The following MIIP variants were observed in gnomAD, a reference collection of about 807,000 sequenced individuals.
MIIP encodes the protein migration and invasion-inhibitory protein.
Under a neutral mutation model 44.8 loss-of-function variants are expected in MIIP, and 44 were observed. The ratio of observed to expected loss-of-function variants is 0.98; its 90% confidence interval spans 0.77 to 1.26. The LOEUF is 1.26. Ranked by LOEUF, MIIP falls within the 50% of genes most tolerant of loss-of-function variation. MIIP has a pLI of 0.00. For synonymous variants in MIIP, 225 were observed against 218.3 expected (o/e 1.03, Z -0.27); for missense variants, 496 against 511.7 (o/e 0.97, Z 0.30).
chr1:12,031,264 A>G lies in MIIP; in HGVS notation c.943-2A>G, dbSNP rs748975673. 33 of 1,613,028 alleles carry G rather than the reference A, an allele frequency of 2.0e-5. 1 individual carries two copies. Among genetic ancestry groups the G allele is most frequent in the Middle Eastern group, 1.6e-4 (1 of 6,080 alleles). The stretch of plus-strand genomic sequence containing the variant: ...GCACTTTTAACTCCTTGCCTTCCAC[A>G]GCACTGCCTGCTGGGCTGGGACATT... On this transcript the variant is annotated splice_acceptor_variant, in intron 8 of 9. Transcript: ENST00000235332. LOFTEE classifies it high-confidence loss of function.
At position 12,031,300 on chromosome 1, in the gene MIIP, A is replaced by T; in HGVS notation, c.977A>T (p.Lys326Met). The T allele has an allele frequency of 1.2e-6, 2 of 1,613,948 alleles. No homozygotes were observed. The highest frequency in any genetic ancestry group is 1.7e-6 in the Non-Finnish European group (2 of 1,179,910). The change falls in exon 9 of 10, where the codon AAG becomes ATG. Residue 326 changes from lysine (K) to methionine (M), a missense_variant. Physicochemically the swap from Lys to Met is moderately conservative, Grantham distance 95. Transcript: ENST00000235332. Reference protein sequence around the residue: ...CLLGWDIFPPKSEKSSAPRNL... With the variant: ...CLLGWDIFPPMSEKSSAPRNL... ...CTGGGCTGGGACATTTTTCCTCCGA[A>T]GTCTGAGAAAAGCTCAGCCCCCAGG...
intron 4 of MIIP, among the ~76,000 whole-genome samples, chr1:12,023,760 A>T (rs1569918966): frequency 6.8e-6 from 1 of 146,480 alleles, no homozygotes; most frequent in Non-Finnish European, 1.5e-5. Context: ...CTTTGGGAGG[A>T]TGAGGTGGGC....
chr1:12,029,282 G>A lies in MIIP; in HGVS notation c.715+1G>A, dbSNP rs1488023810. The A allele has an allele frequency of 1.2e-6, 2 of 1,613,000 alleles. No individual in the cohort carries two copies. The highest frequency in any genetic ancestry group is 2.2e-5 in the South Asian group (2 of 91,048). On this transcript the variant is annotated splice_donor_variant, in intron 6 of 9. Transcript: ENST00000235332. LOFTEE classifies it high-confidence loss of function. ...AGCGGCGTGGAGGAAGACCATGAAT[G>A]TGAGTGCGGGCCCTCGGCTAGGCCG...
chr1:12,031,398 C>G lies in MIIP; in HGVS notation c.1075C>G (p.His359Asp), dbSNP rs763064451. The change falls in exon 9 of 10, where the codon CAC (histidine) becomes GAC (aspartate). Residue 359 changes from histidine to aspartate, a missense_variant. Transcript: ENST00000235332. ...QKLSGTSSPFHPASPMQMLPP... is the reference protein window; with the variant it reads ...QKLSGTSSPFDPASPMQMLPP... The stretch of plus-strand genomic sequence containing the variant: ...GCTGTCCGGCACCAGCAGCCCTTTT[C>G]ACCCGGTACGGTCCAGATCGCATCC... 1.1e-5 allele frequency: 17 copies of G among 1,613,462 alleles called. No individual in the cohort carries two copies. The South Asian group carries it at 1.9e-4, about 18-fold the overall frequency.
At chr1:12,026,800 G>A (rs532622272) in intron 4 of MIIP, among the ~76,000 whole-genome samples, 33 of 152,272 alleles carry the variant, frequency 2.2e-4, no homozygotes, top group Non-Finnish European at 4.1e-4. Flanking sequence ...GCTGAGGCCC[G>A]GTGAGACAGA....
Position 12,019,652 on chromosome 1 carries a change from G to A in MIIP, c.-83+100G>A, listed in dbSNP as rs954704248. The stretch of plus-strand genomic sequence containing the variant: ...GCTCGGGGGCCGCAGTGGAAAAGAA[G>A]GGTAGGCTGCATCTGCCTCTGCGGG... On this transcript the variant is annotated intron_variant, in intron 1 of 9. Transcript: ENST00000235332. 5 of 152,508 alleles carry A rather than the reference G, an allele frequency of 3.3e-5. 1 individual carries two copies. The highest frequency in any genetic ancestry group is 9.6e-5 in the African/African-American group (4 of 41,602). 9.4% of individuals were successfully genotyped at this position (152,508 alleles called of 1,614,324 possible). A position where few individuals can be genotyped will look rare whatever the true frequency, so the allele number is the denominator to read the frequency against.
chr1:12,022,448 G>T lies in MIIP; in HGVS notation c.462+6G>T. ...AACAGAGCAAGCTGTCCAAGGTAAC[G>T]TGGGAGAGCGGGACATCTGCTGATG... On this transcript the variant is annotated splice_donor_region_variant and intron_variant, in intron 3 of 9. Transcript: ENST00000235332. The T allele has an allele frequency of 6.6e-7, 1 of 1,521,654 alleles. No individual in the cohort carries two copies. The highest frequency in any genetic ancestry group is 8.8e-7 in the Non-Finnish European group (1 of 1,134,748). 94.3% of individuals were successfully genotyped at this position (1,521,654 alleles called of 1,614,324 possible).
At chr1:12,021,214 G>A (rs112923390) in intron 1 of MIIP, among the ~76,000 whole-genome samples, 2,306 of 152,024 alleles carry the variant, frequency 0.015, 49 homozygotes, top group African/African-American at 0.053. Context: ...CTAACACGGT[G>A]AAACCCCGTC....
chr1:12,021,406 C>CA (rs1023065482), intron 1 of MIIP, among the ~76,000 whole-genome samples: 12 of 149,726 alleles, frequency 8.0e-5, no homozygotes, highest in African/African-American at 1.5e-4. Context: ...AAAAAAAAAA[C>CA]AAAAAAACAA....
intron 4 of MIIP, among the ~76,000 whole-genome samples, chr1:12,026,757 GCAC>G (rs1640111912): frequency 6.6e-6 from 1 of 152,130 alleles, no homozygotes; most frequent in Non-Finnish European, 1.5e-5. Context: ...TATTAGGTAG[GCAC>G]CACCATGGTG....
At chr1:12,031,128 CT>C in intron 8 of MIIP, 137 bp from the exon 9 acceptor site, 1 of 1,066,570 alleles carries the variant, frequency 9.4e-7, no homozygotes, top group South Asian at 1.7e-5. Context: ...CTGGGGTAGT[CT>C]TGTGGGTAGA....
intron 2 of MIIP, 28 bp from the exon 3 acceptor site, chr1:12,022,067 C>T (rs1639988136): frequency 6.2e-7 from 1 of 1,602,992 alleles, no homozygotes; most frequent in Non-Finnish European, 8.5e-7. Flanking sequence ...GGCAGCCACT[C>T]CCTGGGTGAC....
At chr1:12,019,957 GC>G (rs1639934848) in intron 1 of MIIP, among the ~76,000 whole-genome samples, 1 of 152,174 alleles carries the variant, frequency 6.6e-6, no homozygotes, top group Non-Finnish European at 1.5e-5. Flanking sequence ...GCATCTCCGT[GC>G]CCCCCGGCCC....
In MIIP at chr1:12,022,346, G is replaced by C. The variant is rs1279502532; in HGVS notation, c.366G>C (p.Leu122=). The C allele has an allele frequency of 6.2e-7, 1 of 1,613,776 alleles. No individual in the cohort carries two copies. Among genetic ancestry groups the C allele is most frequent in the Admixed American group, 1.7e-5 (1 of 60,008 alleles). The change falls in exon 3 of 10, where the codon CTG becomes CTC. Residue 122 remains leucine, a synonymous_variant. Coordinates refer to ENST00000235332, the MANE Select transcript of MIIP (RefSeq NM_021933.4). ...CACCCTCGCTGGGCACCTCAAGCCT[G>C]AGGGACCCAGAGCCCTCAGGGAGGC... ...HSAPSLGTSS[L]RDPEPSGRLG...
At chr1:12,028,717 C>T in intron 4 of MIIP, 1 of 274,798 alleles carries the variant, frequency 3.6e-6, no homozygotes, top group Non-Finnish European at 7.0e-6. Context: ...TGCCACCTTA[C>T]AGTGTAAGCC....
intron 9 of MIIP, 78 bp from the exon 10 acceptor site, chr1:12,031,644 G>C (rs1640245232): frequency 1.2e-6 from 2 of 1,613,462 alleles, no homozygotes; most frequent in Non-Finnish European, 1.7e-6. Context: ...GCAAGATCCA[G>C]GAGGGAATGT....
rs772341542 is a variant in MIIP at position 12,031,739 on chromosome 1, G to A, written c.1098G>A (p.Met366Ile). The change falls in exon 10 of 10, where the codon ATG becomes ATA. Residue 366 changes from methionine to isoleucine, a missense_variant. Coordinates refer to ENST00000235332, the MANE Select transcript of MIIP (RefSeq NM_021933.4). ...SPFHPASPMQ[M>I]LPPTPTWSVP... ...CCATCCAGGCCTCACCAATGCAGAT[G>A]CTGCCCCCGACCCCGACCTGGTCAG... 1 of 1,614,038 alleles carries A rather than the reference G, an allele frequency of 6.2e-7. No homozygotes were observed. Among genetic ancestry groups the A allele is most frequent in the Non-Finnish European group, 8.5e-7 (1 of 1,179,982 alleles).
At chr1:12,019,906 G>C (rs903467567) in intron 1 of MIIP, among the ~76,000 whole-genome samples, 17 of 152,242 alleles carry the variant, frequency 1.1e-4, no homozygotes, top group African/African-American at 3.9e-4. Flanking sequence ...TGGGGGCCGG[G>C]ATCTTTGTCC....
At chr1:12,022,948 T>C in intron 4 of MIIP, 31 bp downstream of exon 4, 1 of 1,555,066 alleles carries the variant, frequency 6.4e-7, no homozygotes, top group Non-Finnish European at 8.8e-7. Context: ...GCACACACTT[T>C]GCCTGGGAGT....
Sources: gnomAD v4.1 joint callset for allele counts (sites outside exome capture counted in the v4.1 genomes callset) on GRCh38, gnomAD v4.1.1 for gene constraint, MANE v1.5 for transcripts, NCBI Gene and HGNC (gene_info 2026-07-23, HGNC 2026-07-21) for gene names.